The following KCNH8 variants were observed in gnomAD, a reference collection of about 807,000 sequenced individuals.
KCNH8 encodes potassium voltage-gated channel subfamily H member 8.
A neutral mutation model predicts 103.6 loss-of-function variants in KCNH8; 70 were observed. The ratio of observed to expected loss-of-function variants is 0.68; its 90% confidence interval spans 0.56 to 0.82. The LOEUF (loss-of-function observed/expected upper bound fraction) is 0.82. KCNH8 is among the 40% of genes least tolerant of loss of function. The probability of loss-of-function intolerance (pLI) is 0.00; values close to 1 mark genes in which losing one functional copy is unlikely to be tolerated. For synonymous variants in KCNH8, 498 were observed against 489.4 expected, an observed-to-expected ratio of 1.02 and a Z score of -0.23; for missense variants, 1,217 against 1,329.9, an observed-to-expected ratio of 0.92 and a Z score of 1.32.
intron 3 of KCNH8, among the ~76,000 whole-genome samples, chr3:19,318,284 A>AT (rs1383947000): frequency 6.6e-6 from 1 of 151,618 alleles, no homozygotes; most frequent in African/African-American, 2.4e-5. Flanking sequence ...ATTTTATTTT[A>AT]TTTATTTCAA....
intron 1 of KCNH8, among the ~76,000 whole-genome samples, chr3:19,218,928 A>T (rs1435083824): frequency 6.6e-6 from 1 of 152,186 alleles, no homozygotes; most frequent in African/African-American, 2.4e-5. Flanking sequence ...TTATTCCAGT[A>T]TAACCTCATT....
At chr3:19,327,618 C>G (rs1024577419) in intron 3 of KCNH8, among the ~76,000 whole-genome samples, 2 of 152,138 alleles carry the variant, frequency 1.3e-5, no homozygotes, top group Non-Finnish European at 2.9e-5. Flanking sequence ...ACAATCTAAC[C>G]TTTTATTACA....
chr3:19,283,415 CTT>C (rs1040892573), intron 3 of KCNH8, among the ~76,000 whole-genome samples: 2 of 152,072 alleles, frequency 1.3e-5, no homozygotes, highest in African/African-American at 2.4e-5. Flanking sequence ...CAACAAAACA[CTT>C]TTAACATTAA....
At chr3:19,175,555 T>C (rs1010514132) in intron 1 of KCNH8, among the ~76,000 whole-genome samples, 2 of 152,206 alleles carry the variant, frequency 1.3e-5, no homozygotes, top group Non-Finnish European at 2.9e-5. Context: ...ACAATTTCTT[T>C]TATTTCAAAT....
intron 1 of KCNH8, among the ~76,000 whole-genome samples, chr3:19,179,752 G>A (rs775755082): frequency 6.6e-6 from 1 of 152,128 alleles, no homozygotes; most frequent in Non-Finnish European, 1.5e-5. Flanking sequence ...ACTCTAGGTA[G>A]AGGAGAAGTG....
chr3:19,214,733 T>G (rs2063802646), intron 1 of KCNH8, among the ~76,000 whole-genome samples: 1 of 152,226 alleles, frequency 6.6e-6, no homozygotes, highest in Admixed American at 6.5e-5. Context: ...GAACCTGACA[T>G]TAGACATGTA....
intron 11 of KCNH8, among the ~76,000 whole-genome samples, chr3:19,509,931 C>T (rs1025048527): frequency 6.6e-6 from 1 of 150,572 alleles, no homozygotes; most frequent in Non-Finnish European, 1.5e-5. Context: ...TTCCACAGAG[C>T]CAGAAAGAAA....
chr3:19,402,740 A>G (rs2125140262), intron 7 of KCNH8, among the ~76,000 whole-genome samples: 1 of 151,994 alleles, frequency 6.6e-6, no homozygotes, highest in South Asian at 2.1e-4. Flanking sequence ...TGGGTGAACA[A>G]CAAATAGGGA....
Position 19,496,011 on chromosome 3 carries a change from C to T in KCNH8, c.2041-14352C>T, listed in dbSNP as rs192635697. 4.5e-3 allele frequency among the ~76,000 whole-genome samples: 681 copies of T among 151,894 alleles called. 4 individuals carry two copies. The highest frequency in any genetic ancestry group is 0.02 in the South Asian group (95 of 4,818). On this transcript the variant is annotated intron_variant, in intron 11 of 15. Transcript: ENST00000328405. Reference sequence around the variant, plus strand: ...TTTGGCTCTTAGATTGGATATTGTTCGTATACAGGAAGGCTACTGATTTTC... The same window carrying T: ...TTTGGCTCTTAGATTGGATATTGTTTGTATACAGGAAGGCTACTGATTTTC...
At chr3:19,160,428 T>C (rs957896459) in intron 1 of KCNH8, among the ~76,000 whole-genome samples, 13 of 152,146 alleles carry the variant, frequency 8.5e-5, no homozygotes, top group African/African-American at 3.1e-4. Flanking sequence ...TATGCAATCA[T>C]GTAACCACCA....
intron 5 of KCNH8, among the ~76,000 whole-genome samples, chr3:19,362,221 C>T (rs1180096782): frequency 1.3e-5 from 2 of 152,070 alleles, no homozygotes; most frequent in Non-Finnish European, 1.5e-5. Flanking sequence ...TCCATACACA[C>T]AGGAGTCTTC....
intron 11 of KCNH8, among the ~76,000 whole-genome samples, chr3:19,466,766 A>G (rs2067747009): frequency 7.2e-6 from 1 of 137,976 alleles, no homozygotes; most frequent in Non-Finnish European, 1.5e-5. Flanking sequence ...GGTTCAAGCG[A>G]TTCTCCTGCC....
At chr3:19,378,139 C>T (rs2066237808) in intron 5 of KCNH8, among the ~76,000 whole-genome samples, 1 of 152,046 alleles carries the variant, frequency 6.6e-6, no homozygotes, top group African/African-American at 2.4e-5. Context: ...CTTGTAATGT[C>T]ACTCTGTTTT....
intron 3 of KCNH8, among the ~76,000 whole-genome samples, chr3:19,290,055 A>T (rs971433186): frequency 2.0e-5 from 3 of 152,078 alleles, no homozygotes; most frequent in South Asian, 2.1e-4. Context: ...TTTGTCTGTT[A>T]TTGGTGTATA....
intron 7 of KCNH8, among the ~76,000 whole-genome samples, chr3:19,405,429 A>G (rs528930896): frequency 1.8e-4 from 27 of 151,998 alleles, no homozygotes; most frequent in African/African-American, 6.0e-4. Flanking sequence ...ATCATATAAT[A>G]TATACATACT....
chr3:19,151,940 A>T (rs888866926), intron 1 of KCNH8, among the ~76,000 whole-genome samples: 4 of 152,112 alleles, frequency 2.6e-5, no homozygotes, highest in Non-Finnish European at 4.4e-5. Flanking sequence ...GTGTAGTAAG[A>T]CTTAGAAAAA....
intron 11 of KCNH8, among the ~76,000 whole-genome samples, chr3:19,495,083 T>C (rs2068410320): frequency 6.6e-6 from 1 of 152,176 alleles, no homozygotes; most frequent in Non-Finnish European, 1.5e-5. Context: ...AAGTTCCTTA[T>C]AGATTCTGGA....
intron 1 of KCNH8, among the ~76,000 whole-genome samples, chr3:19,192,943 A>C (rs2063567250): frequency 1.3e-5 from 2 of 151,780 alleles, no homozygotes; most frequent in African/African-American, 2.4e-5. Flanking sequence ...ACCCAATCAA[A>C]TATTGTTAGA....
intron 7 of KCNH8, among the ~76,000 whole-genome samples, chr3:19,433,514 A>G (rs924236537): frequency 1.3e-5 from 2 of 152,244 alleles, no homozygotes; most frequent in African/African-American, 4.8e-5. Flanking sequence ...ATTCAATCCA[A>G]TCACTTCATA....
Sources: allele counts gnomAD v4.1 joint callset (sites outside exome capture counted in the v4.1 genomes callset), GRCh38; gene constraint gnomAD v4.1.1; transcripts MANE v1.5; gene names NCBI Gene and HGNC (gene_info 2026-07-23, HGNC 2026-07-21).